CPXM2: variants seen among roughly 807,000 people sequenced by gnomAD.
CPXM2 encodes the protein inactive carboxypeptidase-like protein X2.
Under a neutral mutation model 86.1 loss-of-function variants are expected in CPXM2, and 66 were observed. The ratio of observed to expected loss-of-function variants is 0.77; its 90% CI spans 0.63 to 0.94. CPXM2 has a LOEUF of 0.94. CPXM2 is among the 40% of genes least tolerant of loss of function. The pLI is 0.00. For missense variants in CPXM2, 948 were observed against 1,026.3 expected (o/e 0.92, Z 1.04); for synonymous variants, 388 against 400.2 (o/e 0.97, Z 0.36).
intron 4 of CPXM2, among the ~76,000 whole-genome samples, chr10:123,812,084 C>T (rs996411887): frequency 8.5e-5 from 13 of 152,154 alleles, no homozygotes; most frequent in Non-Finnish European, 1.6e-4. Flanking sequence ...ATGGGGACTG[C>T]TTTGTACACA....
chr10:123,872,369 A>G (rs1292268026), intron 2 of CPXM2, among the ~76,000 whole-genome samples: 4 of 152,214 alleles, frequency 2.6e-5, no homozygotes, highest in African/African-American at 9.6e-5. Context: ...ACCATGCTAT[A>G]TACAACAACA....
chr10:123,756,878 C>T (rs949334371), intron 12 of CPXM2, among the ~76,000 whole-genome samples: 20 of 152,196 alleles, frequency 1.3e-4, no homozygotes, highest in Non-Finnish European at 4.4e-5. Flanking sequence ...TGTAAGCCAC[C>T]TGGTGTTTTG....
intron 3 of CPXM2, among the ~76,000 whole-genome samples, chr10:123,854,089 G>T (rs1390181455): frequency 6.6e-6 from 1 of 151,472 alleles, no homozygotes; most frequent in Admixed American, 6.6e-5. Flanking sequence ...CCAGGAGACG[G>T]TCATCTGACC....
At chr10:123,797,855 TG>T in intron 6 of CPXM2, 120 bp downstream of exon 6, 1 of 990,188 alleles carries the variant, frequency 1.0e-6, no homozygotes, top group Non-Finnish European at 1.3e-6. Context: ...CCCAAAATGC[TG>T]GGATTACAGG....
intron 4 of CPXM2, among the ~76,000 whole-genome samples, chr10:123,832,542 G>T (rs1335129420): frequency 6.6e-6 from 1 of 152,082 alleles, no homozygotes; most frequent in Non-Finnish European, 1.5e-5. Context: ...AGAGGTGGGG[G>T]TAGGCTGGGC....
chr10:123,877,712 A>G (rs1945009832), intron 2 of CPXM2, among the ~76,000 whole-genome samples: 1 of 152,242 alleles, frequency 6.6e-6, no homozygotes, highest in African/African-American at 2.4e-5. Flanking sequence ...GGACATGAGA[A>G]GAGGTGAAGA....
At chr10:123,929,104 C>T (rs1945646017) in intron 2 of CPXM2, among the ~76,000 whole-genome samples, 2 of 152,182 alleles carry the variant, frequency 1.3e-5, no homozygotes, top group South Asian at 4.2e-4. Context: ...ACATCTGAGA[C>T]CTTGTTGGGA....
At chr10:123,912,967 C>T (rs569450065) in intron 2 of CPXM2, among the ~76,000 whole-genome samples, 2 of 152,348 alleles carry the variant, frequency 1.3e-5, no homozygotes, top group South Asian at 4.1e-4. Context: ...AGCTCATCCA[C>T]ACGGGTAGTT....
chr10:123,816,851 A>G (rs1847823914), intron 4 of CPXM2, among the ~76,000 whole-genome samples: 1 of 152,236 alleles, frequency 6.6e-6, no homozygotes, highest in Non-Finnish European at 1.5e-5. Flanking sequence ...AAGATATCAC[A>G]TTGATCCATT....
intron 4 of CPXM2, among the ~76,000 whole-genome samples, chr10:123,830,905 T>C (rs1180852546): frequency 3.3e-5 from 5 of 151,938 alleles, no homozygotes; most frequent in Admixed American, 2.0e-4. Context: ...TGTGTGTGTG[T>C]GTGTCTTTCT....
chr10:123,863,528 T>A (rs1848905675), intron 2 of CPXM2, among the ~76,000 whole-genome samples: 1 of 152,170 alleles, frequency 6.6e-6, no homozygotes, highest in African/African-American at 2.4e-5. Flanking sequence ...CCTCACACCT[T>A]CCAGGCCTGA....
chr10:123,864,687 C>A (rs1327631989), intron 2 of CPXM2, among the ~76,000 whole-genome samples: 1 of 152,160 alleles, frequency 6.6e-6, no homozygotes, highest in Non-Finnish European at 1.5e-5. Flanking sequence ...GGACAGATAG[C>A]CCACCAGATG....
chr10:123,851,226 C>T (rs1230761134), intron 3 of CPXM2, among the ~76,000 whole-genome samples: 1 of 152,226 alleles, frequency 6.6e-6, no homozygotes, highest in Non-Finnish European at 1.5e-5. Context: ...GGCCTTTGCA[C>T]ATACTCTTCT....
At chr10:123,823,861 T>C (rs949425404) in intron 4 of CPXM2, among the ~76,000 whole-genome samples, 1 of 152,170 alleles carries the variant, frequency 6.6e-6, no homozygotes, top group Non-Finnish European at 1.5e-5. Flanking sequence ...GGGTTTGCAA[T>C]TGTTGTCTTG....
At chr10:123,805,465 T>C (rs890604028) in intron 4 of CPXM2, among the ~76,000 whole-genome samples, 2 of 152,148 alleles carry the variant, frequency 1.3e-5, no homozygotes, top group Non-Finnish European at 2.9e-5. Flanking sequence ...TTATGAACTA[T>C]TTAGAAGTGT....
intron 10 of CPXM2, among the ~76,000 whole-genome samples, chr10:123,764,050 G>C (rs1398104681): frequency 6.6e-6 from 1 of 152,158 alleles, no homozygotes; most frequent in Non-Finnish European, 1.5e-5. Context: ...CTTAGTACTA[G>C]TGAGGTAGAA....
chr10:123,924,736 C>T (rs1945609419), intron 2 of CPXM2, among the ~76,000 whole-genome samples: 1 of 152,166 alleles, frequency 6.6e-6, no homozygotes. Context: ...CTAGTCCTGG[C>T]TTGGTCTTTC....
intron 4 of CPXM2, among the ~76,000 whole-genome samples, chr10:123,829,035 C>A (rs1305201615): frequency 6.6e-6 from 1 of 152,060 alleles, no homozygotes; most frequent in Non-Finnish European, 1.5e-5. Flanking sequence ...AAAACGTAAA[C>A]AATGCAACTA....
At chr10:123,798,210 A>AAGTCTTGTT in intron 5 of CPXM2, 84 bp from the exon 6 acceptor site, 1 of 1,272,034 alleles carries the variant, frequency 7.9e-7, no homozygotes, top group Non-Finnish European at 1.1e-6. Flanking sequence ...TCATTCAACA[A>AAGTCTTGTT]GACTTTATTG....
Sources: gnomAD v4.1 joint callset for allele counts (sites outside exome capture counted in the v4.1 genomes callset) on GRCh38, gnomAD v4.1.1 for gene constraint, MANE v1.5 for transcripts, NCBI Gene and HGNC (gene_info 2026-07-23, HGNC 2026-07-21) for gene names.